The following MICU2 variants were observed in gnomAD, a reference collection of about 807,000 sequenced individuals.
MICU2 encodes calcium uptake protein 2, mitochondrial.
Under a neutral mutation model 60.4 loss-of-function variants are expected in MICU2, and 64 were observed. The observed-to-expected ratio is 1.06, with a 90% confidence interval of 0.87 to 1.31. MICU2 has a LOEUF of 1.31. Ranked by LOEUF, MICU2 falls within the 50% of genes most tolerant of loss-of-function variation. The pLI, the probability that MICU2 is intolerant of heterozygous loss-of-function variation, is 0.00. For missense variants in MICU2, 569 were observed against 531.0 expected (o/e 1.07, Z -0.70); for synonymous variants, 201 against 175.0 (o/e 1.15, Z -1.17).
intron 4 of MICU2, among the ~76,000 whole-genome samples, chr13:21,525,913 C>CTTATTTATTTATTTAT (rs60527711): frequency 1.5e-4 from 21 of 144,314 alleles, no homozygotes; most frequent in African/African-American, 5.1e-4. Flanking sequence ...GTGATGTAGT[C>CTTATTTATTTATTTAT]TTATTTATTT....
At chr13:21,579,752 A>G (rs938970095) in intron 1 of MICU2, among the ~76,000 whole-genome samples, 1 of 152,190 alleles carries the variant, frequency 6.6e-6, no homozygotes, top group Non-Finnish European at 1.5e-5. Flanking sequence ...TTTCTGAAAT[A>G]TTTTGTAAGA....
intron 1 of MICU2, among the ~76,000 whole-genome samples, chr13:21,569,489 G>C (rs1888057771): frequency 6.6e-6 from 1 of 151,952 alleles, no homozygotes; most frequent in South Asian, 2.1e-4. Context: ...ATATGCAGAG[G>C]AAGCCCCCAA....
chr13:21,541,931 AT>A (rs996182284), intron 2 of MICU2, among the ~76,000 whole-genome samples: 2 of 152,168 alleles, frequency 1.3e-5, no homozygotes, highest in Admixed American at 6.5e-5. Context: ...ATCTTTTTAA[AT>A]TTTTTTAATT....
chr13:21,601,864 G>A (rs577847578), intron 1 of MICU2, among the ~76,000 whole-genome samples: 2 of 152,150 alleles, frequency 1.3e-5, no homozygotes. Flanking sequence ...CCAGCACTCT[G>A]GGAGGCCAAG....
chr13:21,497,430 T>C (rs1006423233), intron 9 of MICU2, among the ~76,000 whole-genome samples: 8 of 151,964 alleles, frequency 5.3e-5, no homozygotes, highest in African/African-American at 1.9e-4. Flanking sequence ...CAATAAAAGC[T>C]GGGTACGGTG....
At chr13:21,550,397 G>A (rs761667325) in intron 2 of MICU2, among the ~76,000 whole-genome samples, 10 of 152,174 alleles carry the variant, frequency 6.6e-5, no homozygotes, top group Non-Finnish European at 1.0e-4. Context: ...AATTAGCTGA[G>A]TACAGCGGCA....
chr13:21,572,263 G>T lies in MICU2; in HGVS notation c.211-5319C>A, dbSNP rs548521563. Among the ~76,000 whole-genome samples the T allele has an allele frequency of 3.9e-5, 6 of 152,312 alleles. No individual in the cohort carries two copies. The East Asian group carries it at 1.2e-3, about 29-fold the overall frequency. On this transcript the variant is annotated intron_variant, in intron 1 of 11. Coordinates refer to ENST00000382374, the MANE Select transcript of MICU2 (RefSeq NM_152726.3). ...TTAAGCCAGCTGTACGCTGTGTCCGGGAAAAACATAAGCTACAAACGTATC... is the reference window on the plus strand; with the variant it reads ...TTAAGCCAGCTGTACGCTGTGTCCGTGAAAAACATAAGCTACAAACGTATC...
intron 1 of MICU2, among the ~76,000 whole-genome samples, chr13:21,585,654 T>A (rs1888439744): frequency 6.6e-6 from 1 of 152,218 alleles, no homozygotes; most frequent in South Asian, 2.1e-4. Flanking sequence ...AATAGATCCA[T>A]CTTATTAACT....
chr13:21,552,904 G>A (rs1353919845), intron 2 of MICU2, among the ~76,000 whole-genome samples: 2 of 152,122 alleles, frequency 1.3e-5, no homozygotes, highest in Non-Finnish European at 2.9e-5. Flanking sequence ...GATTGACTTC[G>A]CAATGCGGGC....
chr13:21,512,435 C>G (rs1233010151), intron 7 of MICU2, among the ~76,000 whole-genome samples: 1 of 148,560 alleles, frequency 6.7e-6, no homozygotes, highest in Non-Finnish European at 1.5e-5. Flanking sequence ...CTGATGAACA[C>G]AAATTTTTAA....
At chr13:21,498,518 G>A (rs1366667949) in intron 9 of MICU2, among the ~76,000 whole-genome samples, 6 of 151,774 alleles carry the variant, frequency 4.0e-5, no homozygotes, top group African/African-American at 1.2e-4. Context: ...AGCTAGGACT[G>A]CAGGCACCCA....
chr13:21,597,628 T>C (rs1888721870), intron 1 of MICU2, among the ~76,000 whole-genome samples: 1 of 151,958 alleles, frequency 6.6e-6, no homozygotes, highest in Non-Finnish European at 1.5e-5. Context: ...AATAAACAAG[T>C]ATATAAAATA....
chr13:21,537,469 CTTT>C (rs60479087), intron 4 of MICU2, among the ~76,000 whole-genome samples: 40 of 124,048 alleles, frequency 3.2e-4, no homozygotes, highest in Non-Finnish European at 3.9e-4. Flanking sequence ...TTCTTTCTTT[CTTT>C]TTTTTTTTTT....
At chr13:21,528,956 C>T (rs1886922243) in intron 4 of MICU2, among the ~76,000 whole-genome samples, 1 of 151,598 alleles carries the variant, frequency 6.6e-6, no homozygotes, top group African/African-American at 2.4e-5. Context: ...AGAGCGTGTG[C>T]AAAAGTATGA....
At chr13:21,494,832 G>C (rs1381701953) in intron 11 of MICU2, among the ~76,000 whole-genome samples, 1 of 151,988 alleles carries the variant, frequency 6.6e-6, no homozygotes, top group Non-Finnish European at 1.5e-5. Flanking sequence ...GTCCAGCTAG[G>C]CTACATTTCT....
intron 2 of MICU2, 25 bp downstream of exon 2, chr13:21,566,772 T>TAA (rs66467009): frequency 9.3e-6 from 12 of 1,291,886 alleles, no homozygotes; most frequent in Admixed American, 2.9e-5. Context: ...TTTTTTTAAT[T>TAA]AAAAAAAAAA....
At chr13:21,571,885 G>A (rs1313186183) in intron 1 of MICU2, among the ~76,000 whole-genome samples, 1 of 152,152 alleles carries the variant, frequency 6.6e-6, no homozygotes, top group Non-Finnish European at 1.5e-5. Flanking sequence ...AATGGACAGA[G>A]CAAAGTAACA....
At chr13:21,547,983 T>C (rs1887455110) in intron 2 of MICU2, among the ~76,000 whole-genome samples, 2 of 152,100 alleles carry the variant, frequency 1.3e-5, no homozygotes, top group African/African-American at 4.8e-5. Context: ...GATAAGATCA[T>C]CAAGGAAGAA....
chr13:21,544,015 A>T (rs1887347335), intron 2 of MICU2, among the ~76,000 whole-genome samples: 1 of 152,202 alleles, frequency 6.6e-6, no homozygotes, highest in Admixed American at 6.5e-5. Flanking sequence ...CCATGTATCT[A>T]CAGCCAATTG....
Sources: allele counts gnomAD v4.1 joint callset (sites outside exome capture counted in the v4.1 genomes callset), GRCh38; gene constraint gnomAD v4.1.1; transcripts MANE v1.5; gene names NCBI Gene and HGNC (gene_info 2026-07-23, HGNC 2026-07-21).